The following PTPRD variants were observed in gnomAD, a reference collection of about 807,000 sequenced individuals.
PTPRD encodes the protein protein tyrosine phosphatase receptor type D.
PTPRD carries 34 observed loss-of-function variants against 214.5 expected under a neutral mutation model. The observed-to-expected ratio is 0.16, with a 90% CI of 0.12 to 0.21. The LOEUF (loss-of-function observed/expected upper bound fraction) is 0.21. Ranked by LOEUF, PTPRD falls within the 10% of genes least tolerant of loss-of-function variation. The probability of loss-of-function intolerance (pLI) is 1.00; values close to 1 mark genes in which losing one functional copy is unlikely to be tolerated. For synonymous variants in PTPRD, 1,128 were observed against 845.7 expected, an observed-to-expected ratio of 1.33 and a Z score of -5.79; for missense variants, 2,545 against 2,398.7, an observed-to-expected ratio of 1.06 and a Z score of -1.27.
At chr9:9,763,403 G>A (rs1473559898) in intron 6 of PTPRD, among the ~76,000 whole-genome samples, 1 of 151,948 alleles carries the variant, frequency 6.6e-6, no homozygotes, top group African/African-American at 2.4e-5. Context: ...TAATATATAT[G>A]TATTAAAGGG....
intron 7 of PTPRD, among the ~76,000 whole-genome samples, chr9:9,711,271 C>G (rs34475401): frequency 0.055 from 8,303 of 152,112 alleles, 311 homozygotes; most frequent in South Asian, 0.11. Context: ...GAACTGTATT[C>G]TTGTTTATAT....
At chr9:9,322,625 A>G (rs562074001) in intron 9 of PTPRD, among the ~76,000 whole-genome samples, 1 of 152,262 alleles carries the variant, frequency 6.6e-6, no homozygotes, top group African/African-American at 2.4e-5. Flanking sequence ...TCTCGGCCAC[A>G]TGACTTGGAT....
chr9:9,916,119 A>G (rs931808151), intron 5 of PTPRD, among the ~76,000 whole-genome samples: 11 of 151,870 alleles, frequency 7.2e-5, no homozygotes, highest in African/African-American at 1.9e-4. Context: ...TACAAATACT[A>G]TATTCAGCAA....
intron 8 of PTPRD, among the ~76,000 whole-genome samples, chr9:9,521,553 C>G (rs1251033446): frequency 6.6e-6 from 1 of 152,110 alleles, no homozygotes; most frequent in Non-Finnish European, 1.5e-5. Context: ...TAGGAATGCA[C>G]TTTCTCTAAA....
chr9:9,511,521 C>T (rs562331604), intron 8 of PTPRD, among the ~76,000 whole-genome samples: 2 of 151,624 alleles, frequency 1.3e-5, no homozygotes, highest in African/African-American at 2.4e-5. Context: ...ATCTTGGTAT[C>T]ATTCTTTGAA....
chr9:9,881,114 G>GA (rs1414198720), intron 5 of PTPRD, among the ~76,000 whole-genome samples: 1 of 152,096 alleles, frequency 6.6e-6, no homozygotes, highest in Non-Finnish European at 1.5e-5. Flanking sequence ...GCAGTGAAGT[G>GA]AAACTTCACT....
chr9:10,553,479 G>A (rs191457961), intron 2 of PTPRD, among the ~76,000 whole-genome samples: 1 of 151,826 alleles, frequency 6.6e-6, no homozygotes, highest in East Asian at 1.9e-4. Flanking sequence ...TAACTTGTTT[G>A]TTATGTATAC....
chr9:8,862,128 AG>A (rs2154545895), intron 11 of PTPRD: 1 of 152,392 alleles, frequency 6.6e-6, no homozygotes, highest in Admixed American at 6.5e-5. Context: ...AGGCCAAGGC[AG>A]GCAGATCACT....
intron 9 of PTPRD, among the ~76,000 whole-genome samples, chr9:9,331,991 T>C (rs1342046953): frequency 6.6e-6 from 1 of 152,002 alleles, no homozygotes; most frequent in Non-Finnish European, 1.5e-5. Context: ...TCTCTATCAA[T>C]GGGAGGAATA....
In PTPRD at chr9:9,454,854, T is replaced by C. The variant is rs938749391; in HGVS notation, c.-236-57372A>G. 5.4e-5 allele frequency among the ~76,000 whole-genome samples: 8 copies of C among 146,984 alleles called. No homozygotes were observed. In the South Asian group the frequency reaches 6.2e-4, roughly 11 times the overall value. On this transcript the variant is annotated intron_variant, in intron 8 of 45. Coordinates refer to ENST00000381196, the MANE Select transcript of PTPRD (RefSeq NM_002839.4). ...TCATATATACATATATATATACACA[T>C]ATATATATATACATATTATGCATGA...
chr9:8,753,219 C>CA (rs1324802945), intron 11 of PTPRD, among the ~76,000 whole-genome samples: 1 of 152,130 alleles, frequency 6.6e-6, no homozygotes, highest in African/African-American at 2.4e-5. Context: ...TCAGGGACAG[C>CA]AAAATTGTCC....
At chr9:8,685,030 G>A (rs952484555) in intron 12 of PTPRD, among the ~76,000 whole-genome samples, 6 of 152,064 alleles carry the variant, frequency 3.9e-5, no homozygotes, top group East Asian at 1.9e-4. Flanking sequence ...GTTTGCATCC[G>A]GGGCTGGATG....
chr9:9,744,110 C>A (rs1320932721), intron 6 of PTPRD, among the ~76,000 whole-genome samples: 1 of 152,076 alleles, frequency 6.6e-6, no homozygotes, highest in East Asian at 1.9e-4. Flanking sequence ...ATACTTATTA[C>A]CACCATTTTC....
chr9:9,651,844 T>G (rs1234237387), intron 7 of PTPRD, among the ~76,000 whole-genome samples: 9 of 137,646 alleles, frequency 6.5e-5, no homozygotes, highest in Non-Finnish European at 1.3e-4. Flanking sequence ...TTTTTTTTTT[T>G]TTTTTTTTTT....
intron 5 of PTPRD, among the ~76,000 whole-genome samples, chr9:9,912,562 T>C (rs1346583459): frequency 6.6e-6 from 1 of 152,162 alleles, no homozygotes; most frequent in Non-Finnish European, 1.5e-5. Flanking sequence ...GTAATGAAGC[T>C]CCCCTGAGAG....
chr9:9,356,738 C>G (rs1406532801), intron 9 of PTPRD, among the ~76,000 whole-genome samples: 4 of 151,338 alleles, frequency 2.6e-5, no homozygotes, highest in Non-Finnish European at 5.9e-5. Flanking sequence ...AGTTTTTCTA[C>G]ATTTGCAAAG....
rs1014581937 is a variant in PTPRD at position 10,496,007 on chromosome 9, G to C, written c.-600+116391C>G. Among the ~76,000 whole-genome samples, 5 of 151,680 alleles carry C rather than the reference G, an allele frequency of 3.3e-5. No homozygotes were observed. The East Asian group carries it at 9.7e-4, about 29-fold the overall frequency. ...ATGATATGTTTTATGAAAAGCATTT[G>C]ATCAAGGTTATTAAATATTTTTAAA... On this transcript the variant is annotated intron_variant, in intron 2 of 45. Transcript: ENST00000381196.
At chr9:8,583,147 A>AC (rs1195439234) in intron 14 of PTPRD, among the ~76,000 whole-genome samples, 2 of 152,130 alleles carry the variant, frequency 1.3e-5, no homozygotes, top group African/African-American at 4.8e-5. Flanking sequence ...CCTCACATAC[A>AC]CAGTTTACGA....
At chr9:9,113,707 G>A (rs1285157125) in intron 10 of PTPRD, among the ~76,000 whole-genome samples, 2 of 152,106 alleles carry the variant, frequency 1.3e-5, no homozygotes, top group South Asian at 2.1e-4. Context: ...GTAGGATGAT[G>A]CTACAAGATT....
Sources: gnomAD v4.1 joint callset for allele counts (sites outside exome capture counted in the v4.1 genomes callset) on GRCh38, gnomAD v4.1.1 for gene constraint, MANE v1.5 for transcripts, NCBI Gene and HGNC (gene_info 2026-07-23, HGNC 2026-07-21) for gene names.